Variants in SLC31A1 observed in about 807,000 individuals in gnomAD.
The protein encoded by SLC31A1 is high affinity copper uptake protein 1.
Under a neutral mutation model 17.2 loss-of-function variants are expected in SLC31A1, and 5 were observed. The ratio of observed to expected loss-of-function variants is 0.29; its 90% CI spans 0.15 to 0.61. The LOEUF (loss-of-function observed/expected upper bound fraction) is 0.61. Ranked by LOEUF, SLC31A1 falls within the 20% of genes least tolerant of loss-of-function variation. The pLI is 0.86. For missense variants in SLC31A1, 161 were observed against 241.4 expected, an observed-to-expected ratio of 0.67 and a Z score of 2.21; for synonymous variants, 76 against 78.8, an observed-to-expected ratio of 0.96 and a Z score of 0.19.
chr9:113,252,323 T>C (rs1831663570), intron 1 of SLC31A1, among the ~76,000 whole-genome samples: 1 of 152,048 alleles, frequency 6.6e-6, no homozygotes. Flanking sequence ...TGAGATGGAG[T>C]CTCGGTCTGT....
intron 1 of SLC31A1, among the ~76,000 whole-genome samples, chr9:113,240,856 C>G (rs544237465): frequency 6.6e-6 from 1 of 152,088 alleles, no homozygotes; most frequent in South Asian, 2.1e-4. Flanking sequence ...TTGAGACCAG[C>G]CTGGCCAACA....
intron 1 of SLC31A1, among the ~76,000 whole-genome samples, chr9:113,242,540 C>T (rs1240843396): frequency 2.6e-5 from 4 of 152,076 alleles, no homozygotes; most frequent in African/African-American, 4.8e-5. Context: ...CAGTAGCTGA[C>T]ACTACAAGTA....
intron 1 of SLC31A1, among the ~76,000 whole-genome samples, chr9:113,253,235 G>A (rs1449902024): frequency 2.6e-5 from 4 of 152,052 alleles, no homozygotes. Context: ...GATTACAAGC[G>A]TGAGCCACCG....
chr9:113,255,252 T>G (rs1489761303), intron 1 of SLC31A1, among the ~76,000 whole-genome samples: 4 of 152,250 alleles, frequency 2.6e-5, no homozygotes, highest in Non-Finnish European at 5.9e-5. Flanking sequence ...AAGTCCTTGC[T>G]TTTTATCTGC....
In SLC31A1 at chr9:113,228,431, G is replaced by A. The variant is rs557230792; in HGVS notation, c.-36+6753G>A. 7.9e-5 allele frequency among the ~76,000 whole-genome samples: 12 copies of A among 152,332 alleles called. No homozygotes were observed. In the South Asian group the frequency reaches 2.5e-3, roughly 32 times the overall value. On this transcript the variant is annotated intron_variant, in intron 1 of 4. Transcript: ENST00000374212. ...CCACTCCCCATTGGACTTAGGCCCT[G>A]TTATCATTACATAACTAAAAGACCT...
At chr9:113,257,046 C>T (rs1831736641) in intron 2 of SLC31A1, 67 bp from the exon 3 acceptor site, 4 of 1,271,418 alleles carry the variant, frequency 3.1e-6, no homozygotes, top group Admixed American at 1.7e-5. Flanking sequence ...TTCTAAGCTT[C>T]TTTGCCCCAA....
intron 1 of SLC31A1, among the ~76,000 whole-genome samples, chr9:113,249,236 A>G (rs1268368721): frequency 6.6e-6 from 1 of 151,308 alleles, no homozygotes; most frequent in Admixed American, 6.6e-5. Flanking sequence ...TATTGCAAAG[A>G]TGATTCTCCA....
At chr9:113,227,180 C>CAGTT (rs1189476486) in intron 1 of SLC31A1, 1 of 152,080 alleles carries the variant, frequency 6.6e-6, no homozygotes, top group Non-Finnish European at 1.5e-5. Context: ...GAACCTCTTT[C>CAGTT]AGTTCCTAGC....
intron 1 of SLC31A1, among the ~76,000 whole-genome samples, chr9:113,225,249 T>C (rs1831328034): frequency 6.6e-6 from 1 of 152,214 alleles, no homozygotes; most frequent in Non-Finnish European, 1.5e-5. Flanking sequence ...GATAGTTTGC[T>C]AAGAGTATAA....
In SLC31A1 at chr9:113,261,695, T is replaced by G. The variant is rs2118523964; in HGVS notation, c.*1222T>G. The G allele has an allele frequency of 6.6e-6, 1 of 152,608 alleles. No individual in the cohort carries two copies. Among genetic ancestry groups the G allele is most frequent in the East Asian group, 1.9e-4 (1 of 5,182 alleles). 9.5% of individuals were successfully genotyped at this position (152,608 alleles called of 1,614,324 possible). A position where few individuals can be genotyped will look rare whatever the true frequency, so the allele number is the denominator to read the frequency against. ...CATCAGAATCACCTGTAGGGCTTGT[T>G]AAAACACTAATTGCTGGGCCTCAAC... is the stretch of plus-strand genomic sequence containing the variant. On this transcript the variant is annotated 3_prime_UTR_variant, in exon 5 of 5. Transcript: ENST00000374212.
At chr9:113,242,431 C>G (rs763457257) in intron 1 of SLC31A1, among the ~76,000 whole-genome samples, 1 of 152,160 alleles carries the variant, frequency 6.6e-6, no homozygotes, top group Non-Finnish European at 1.5e-5. Flanking sequence ...GAGACAGAGT[C>G]TTACTCTTGC....
intron 1 of SLC31A1, among the ~76,000 whole-genome samples, chr9:113,250,569 C>T (rs1266924990): frequency 6.7e-6 from 1 of 148,498 alleles, no homozygotes; most frequent in East Asian, 2.0e-4. Flanking sequence ...GGGAGATATA[C>T]CTAATGCTAG....
At chr9:113,249,356 GTT>G (rs555534321) in intron 1 of SLC31A1, among the ~76,000 whole-genome samples, 2 of 141,136 alleles carry the variant, frequency 1.4e-5, no homozygotes, top group Non-Finnish European at 3.1e-5. Context: ...ATCTTTCTTT[GTT>G]TTTTTTTTAT....
In SLC31A1 at chr9:113,260,508, G is replaced by A; in HGVS notation, c.*35G>A. On this transcript the variant is annotated 3_prime_UTR_variant, in exon 5 of 5. Coordinates refer to ENST00000374212, the MANE Select transcript of SLC31A1 (RefSeq NM_001859.4). ...CTATGGCGTGGCCTTATCGATTGCA[G>A]TGGGAAGTTGTTGAAGACTTGAAGA... 8.8e-6 allele frequency: 14 copies of A among 1,582,672 alleles called. No individual in the cohort carries two copies. Among genetic ancestry groups the A allele is most frequent in the East Asian group, 2.2e-5 (1 of 44,714 alleles).
Position 113,254,562 on chromosome 9 carries a change from A to G in SLC31A1, c.-35-1552A>G, listed in dbSNP as rs115102661. On this transcript the variant is annotated intron_variant, in intron 1 of 4. Transcript: ENST00000374212. ...TCCACCAACACCTCCCCCTCCACAC[A>G]CACCAGCTTCCCATTCTCCCACTCC... 8.1e-3 allele frequency among the ~76,000 whole-genome samples: 1,238 copies of G among 152,112 alleles called. 19 individuals carry two copies. Among genetic ancestry groups the G allele is most frequent in the African/African-American group, 0.028 (1,177 of 41,496 alleles).
chr9:113,222,192 T>TA (rs1831285449), intron 1 of SLC31A1, among the ~76,000 whole-genome samples: 1 of 152,174 alleles, frequency 6.6e-6, no homozygotes, highest in Non-Finnish European at 1.5e-5. Flanking sequence ...GACTGTAGCA[T>TA]ACACCTCGAG....
rs375173457 is a variant in SLC31A1 at position 113,249,830 on chromosome 9, GA to G, written c.-35-6276del. Among the ~76,000 whole-genome samples, 313 of 150,956 alleles carry G rather than the reference GA, an allele frequency of 2.1e-3. 5 individuals carry two copies. The East Asian group carries it at 0.053, about 26-fold the overall frequency. On this transcript the variant is annotated intron_variant, in intron 1 of 4. Coordinates refer to ENST00000374212, the MANE Select transcript of SLC31A1 (RefSeq NM_001859.4). ...ACAATGAACTCAAACAAATTTACAA[GA>G]AAAAAAACAGACAACCCCATCAAAA...
At chr9:113,223,151 T>C in intron 1 of SLC31A1, 2 of 382,084 alleles carry the variant, frequency 5.2e-6, no homozygotes, top group South Asian at 3.9e-5. Flanking sequence ...TAAGTAGCTT[T>C]TGTAGGTACT....
chr9:113,256,112 A>G lies in SLC31A1; in HGVS notation c.-35-2A>G. 1 of 1,605,866 alleles carries G rather than the reference A, an allele frequency of 6.2e-7. No homozygotes were observed. Among genetic ancestry groups the G allele is most frequent in the Non-Finnish European group, 8.5e-7 (1 of 1,174,630 alleles). On this transcript the variant is annotated splice_acceptor_variant, in intron 1 of 4. Transcript: ENST00000374212. LOFTEE classifies it low-confidence loss of function (5UTR_SPLICE). ...ATTATATATAATTCTTTCTCTTAAA[A>G]GAATCTTCTGCTGACTCTCAACTTT...
Sources: allele counts gnomAD v4.1 joint callset (sites outside exome capture counted in the v4.1 genomes callset), GRCh38; gene constraint gnomAD v4.1.1; transcripts MANE v1.5; gene names NCBI Gene and HGNC (gene_info 2026-07-23, HGNC 2026-07-21).